NKAIN3: variants seen among roughly 807,000 people sequenced by gnomAD.
NKAIN3 encodes the protein sodium/potassium transporting ATPase interacting 3.
A neutral mutation model predicts 30.2 loss-of-function variants in NKAIN3; 25 were observed. The ratio of observed to expected loss-of-function variants is 0.83; its 90% CI spans 0.60 to 1.16. NKAIN3 has a LOEUF of 1.16. Among genes scored for constraint, NKAIN3 ranks in the 50% most tolerant of loss-of-function variants. NKAIN3 has a pLI of 0.00. For missense variants in NKAIN3, 225 were observed against 254.1 expected (o/e 0.89, Z 0.78); for synonymous variants, 91 against 89.6 (o/e 1.02, Z -0.09).
At chr8:62,952,989 A>G (rs889342468) in intron 5 of NKAIN3, among the ~76,000 whole-genome samples, 7 of 152,128 alleles carry the variant, frequency 4.6e-5, no homozygotes, top group African/African-American at 7.2e-5. Flanking sequence ...TCATAAATAG[A>G]TACTATTTAT....
rs574753878 is a variant in NKAIN3, at chr8:62,434,512, AG to A, written c.55-145024del. Among the ~76,000 whole-genome samples the A allele has an allele frequency of 1.8e-3, 280 of 152,312 alleles. 1 individual carries two copies. Among genetic ancestry groups the A allele is most frequent in the African/African-American group, 6.5e-3 (269 of 41,584 alleles). On this transcript the variant is annotated intron_variant, in intron 1 of 6. Coordinates refer to ENST00000623646, the MANE Select transcript of NKAIN3 (RefSeq NM_001304533.3). ...ACCAGCGTTTATCTTAAGATAAATC[AG>A]GGTGTAAGGAACCCAATAATGTATG...
At chr8:62,377,581 A>C (rs1348260021) in intron 1 of NKAIN3, among the ~76,000 whole-genome samples, 1 of 152,144 alleles carries the variant, frequency 6.6e-6, no homozygotes, top group East Asian at 1.9e-4. Flanking sequence ...ACCAAATTTC[A>C]TCTTGAATTA....
intron 3 of NKAIN3, among the ~76,000 whole-genome samples, chr8:62,598,112 G>A (rs1016352753): frequency 2.0e-4 from 31 of 151,966 alleles, no homozygotes; most frequent in African/African-American, 7.0e-4. Flanking sequence ...GTTTAGCAAG[G>A]TACAAGTTCT....
Position 62,853,057 on chromosome 8 carries a change from C to T in NKAIN3, c.472-65396C>T, listed in dbSNP as rs575083076. ...CTGTCTAATGTTGACAGTGGGGTAA[C>T]AAAGTCTCCCATTATTATTGTATGG... On this transcript the variant is annotated intron_variant, in intron 4 of 6. Transcript: ENST00000623646. Among the ~76,000 whole-genome samples the T allele has an allele frequency of 2.6e-5, 4 of 151,992 alleles. No individual in the cohort carries two copies. The East Asian group carries it at 7.7e-4, about 29-fold the overall frequency.
chr8:62,630,522 T>G (rs1473880936), intron 3 of NKAIN3, among the ~76,000 whole-genome samples: 2 of 152,098 alleles, frequency 1.3e-5, no homozygotes, highest in Non-Finnish European at 2.9e-5. Flanking sequence ...AAAAAAGTGT[T>G]TCTAAATTTT....
intron 4 of NKAIN3, among the ~76,000 whole-genome samples, chr8:62,756,577 T>G (rs1440151522): frequency 6.6e-6 from 1 of 152,166 alleles, no homozygotes; most frequent in East Asian, 1.9e-4. Context: ...ACTGTATATT[T>G]TATCTACATA....
At chr8:62,901,243 C>T (rs187307609) in intron 4 of NKAIN3, among the ~76,000 whole-genome samples, 5 of 152,206 alleles carry the variant, frequency 3.3e-5, no homozygotes, top group East Asian at 1.9e-4. Flanking sequence ...GCAGCAATGA[C>T]GGAGGATGAG....
intron 4 of NKAIN3, chr8:62,864,296 A>G (rs1346239389): frequency 5.3e-6 from 7 of 1,331,530 alleles, no homozygotes; most frequent in Non-Finnish European, 7.5e-6. Flanking sequence ...GAGGACCAGG[A>G]AGAGAAAGAA....
intron 1 of NKAIN3, among the ~76,000 whole-genome samples, chr8:62,402,178 G>A (rs554617914): frequency 3.3e-5 from 5 of 152,216 alleles, no homozygotes; most frequent in African/African-American, 1.2e-4. Flanking sequence ...ACATGCAGAG[G>A]TTTTGCTCCC....
intron 1 of NKAIN3, among the ~76,000 whole-genome samples, chr8:62,425,847 C>T (rs1388223944): frequency 6.6e-6 from 1 of 151,836 alleles, no homozygotes; most frequent in African/African-American, 2.4e-5. Context: ...CTCTAGTATC[C>T]TCTGCACGTT....
At chr8:62,600,429 GT>G (rs35104510) in intron 3 of NKAIN3, among the ~76,000 whole-genome samples, 1 of 151,912 alleles carries the variant, frequency 6.6e-6, no homozygotes. Context: ...CTTCCCATCA[GT>G]TTTTTTCCAT....
chr8:62,625,183 ACTG>A (rs1811755108), intron 3 of NKAIN3, among the ~76,000 whole-genome samples: 1 of 152,152 alleles, frequency 6.6e-6, no homozygotes, highest in Non-Finnish European at 1.5e-5. Context: ...GACATTATAT[ACTG>A]GGTAAAAGGA....
intron 1 of NKAIN3, among the ~76,000 whole-genome samples, chr8:62,495,542 A>G (rs1350971953): frequency 6.8e-6 from 1 of 146,462 alleles, no homozygotes; most frequent in Admixed American, 6.7e-5. Context: ...GAACAATGAG[A>G]CAGAGAGTAT....
intron 4 of NKAIN3, among the ~76,000 whole-genome samples, chr8:62,754,023 A>T (rs1240029996): frequency 6.6e-6 from 1 of 152,132 alleles, no homozygotes; most frequent in Non-Finnish European, 1.5e-5. Flanking sequence ...AAAGATTTAG[A>T]ATTATGGATA....
chr8:62,262,470 C>T (rs1470760896), intron 1 of NKAIN3, among the ~76,000 whole-genome samples: 3 of 152,160 alleles, frequency 2.0e-5, no homozygotes, highest in Non-Finnish European at 4.4e-5. Context: ...AAAGTTTAAG[C>T]CACTAATTCT....
chr8:62,391,393 C>G (rs961140769), intron 1 of NKAIN3, among the ~76,000 whole-genome samples: 1 of 151,950 alleles, frequency 6.6e-6, no homozygotes, highest in African/African-American at 2.4e-5. Flanking sequence ...AAACAAAGAT[C>G]CAATCCCAGC....
At chr8:62,728,804 C>A (rs368560463) in intron 3 of NKAIN3, among the ~76,000 whole-genome samples, 4 of 151,650 alleles carry the variant, frequency 2.6e-5, no homozygotes, top group African/African-American at 9.7e-5. Context: ...GCCTGGCTAA[C>A]ACGGCAAAAC....
At chr8:62,997,619 T>C (rs1804147683) in intron 5 of NKAIN3, among the ~76,000 whole-genome samples, 1 of 152,198 alleles carries the variant, frequency 6.6e-6, no homozygotes, top group South Asian at 2.1e-4. Flanking sequence ...AATTATATCA[T>C]TCTGGATAAT....
intron 5 of NKAIN3, among the ~76,000 whole-genome samples, chr8:62,924,977 G>A (rs1586353073): frequency 6.6e-6 from 1 of 152,188 alleles, no homozygotes; most frequent in Non-Finnish European, 1.5e-5. Context: ...CCATCACGCT[G>A]GGGATTAGGT....
Sources: gnomAD v4.1 joint callset for allele counts (sites outside exome capture counted in the v4.1 genomes callset) on GRCh38, gnomAD v4.1.1 for gene constraint, MANE v1.5 for transcripts, NCBI Gene and HGNC (gene_info 2026-07-23, HGNC 2026-07-21) for gene names.